The following PFKFB1 variants were observed in gnomAD, a reference collection of about 807,000 sequenced individuals.
The protein encoded by PFKFB1 is 6-phosphofructo-2-kinase/fructose-2,6-biphosphatase 1.
Under a neutral mutation model 46.4 loss-of-function variants are expected in PFKFB1, and 34 were observed. The observed-to-expected ratio is 0.73, with a 90% CI of 0.56 to 0.98. The LOEUF (loss-of-function observed/expected upper bound fraction) is 0.98. Ranked by LOEUF, PFKFB1 falls within the 50% of genes least tolerant of loss-of-function variation. The probability of loss-of-function intolerance (pLI) is 0.00; values close to 1 mark genes in which losing one functional copy is unlikely to be tolerated. For missense variants in PFKFB1, 393 were observed against 376.3 expected (o/e 1.04, Z -0.37); for synonymous variants, 119 against 133.8 (o/e 0.89, Z 0.76).
At chrX:54,976,610 G>A (rs1399791011) in intron 1 of PFKFB1, among the ~76,000 whole-genome samples, 1 of 111,435 alleles carries the variant, frequency 9.0e-6, no homozygotes, top group African/African-American at 3.3e-5. Flanking sequence ...ACATACACTT[G>A]ACATATGACC....
intron 7 of PFKFB1, among the ~76,000 whole-genome samples, chrX:54,954,456 T>G (rs1044299149): frequency 8.9e-6 from 1 of 112,212 alleles, no homozygotes; most frequent in African/African-American, 3.2e-5. Flanking sequence ...GAGGTTGCAG[T>G]GAGCTGAGAT....
intron 10 of PFKFB1, among the ~76,000 whole-genome samples, chrX:54,939,077 G>C (rs1259617510): frequency 8.9e-6 from 1 of 111,779 alleles, no homozygotes; most frequent in East Asian, 2.8e-4. Flanking sequence ...GAAGAACTCA[G>C]GATTAAGAAA....
chrX:54,957,180 T>C (rs1351381095), intron 6 of PFKFB1, among the ~76,000 whole-genome samples: 1 of 111,997 alleles, frequency 8.9e-6, no homozygotes, highest in Non-Finnish European at 1.9e-5. Flanking sequence ...CTACTTATAG[T>C]TCTCTGGAGA....
intron 8 of PFKFB1, among the ~76,000 whole-genome samples, chrX:54,951,574 C>A (rs1287104322): frequency 3.6e-5 from 4 of 112,614 alleles, no homozygotes; most frequent in South Asian, 3.7e-4. Flanking sequence ...GGTGGGGAAG[C>A]TGCACTAGCA....
At chrX:54,973,551 G>C (rs751952644) in intron 1 of PFKFB1, among the ~76,000 whole-genome samples, 1 of 111,074 alleles carries the variant, frequency 9.0e-6, no homozygotes, top group African/African-American at 3.3e-5. Context: ...TCTTGTTCTC[G>C]TTGGTTTCAA....
At chrX:54,950,094 CTCT>C (rs1933925699) in intron 8 of PFKFB1, among the ~76,000 whole-genome samples, 1 of 112,197 alleles carries the variant, frequency 8.9e-6, no homozygotes, top group Admixed American at 9.4e-5. Flanking sequence ...TGATTTCCTC[CTCT>C]GTGTATAGGT....
At chrX:54,957,112 A>T (rs1483869028) in intron 6 of PFKFB1, among the ~76,000 whole-genome samples, 1 of 111,336 alleles carries the variant, frequency 9.0e-6, no homozygotes, top group African/African-American at 3.3e-5. Flanking sequence ...TTATTTCTTC[A>T]TCCTTATCTC....
At chrX:54,963,118 A>G in intron 2 of PFKFB1, 139 bp downstream of exon 2, 1 of 542,691 alleles carries the variant, frequency 1.8e-6, no homozygotes, top group East Asian at 3.4e-5. Context: ...ATGTAGTAAT[A>G]GTGGTAGCAG....
rs1934291813 is a variant in PFKFB1, at chrX:54,960,890, T to A, written c.251A>T (p.Glu84Val). Reference sequence around the variant, plus strand: ...TTCATAGTTCTTGTAGCTCACTGCCTCTCGTCGATACTGGCCTAAATTAAA... The same window carrying A: ...TTCATAGTTCTTGTAGCTCACTGCCACTCGTCGATACTGGCCTAAATTAAA... ...KVFNLGQYRREAVSYKNYEFF... is the reference protein window; with the variant it reads ...KVFNLGQYRRVAVSYKNYEFF... Residue 84 changes from glutamate to valine, a missense_variant, in exon 3 of 14, where the codon GAG becomes GTG. By Grantham distance (121) the Glu-to-Val change is moderately radical. Transcript: ENST00000375006. 2 of 1,190,832 alleles carry A rather than the reference T, an allele frequency of 1.7e-6. No homozygotes were observed. Among genetic ancestry groups the A allele is most frequent in the Non-Finnish European group, 1.1e-6 (1 of 879,601 alleles).
At chrX:54,950,846 C>T (rs1298262187) in intron 8 of PFKFB1, among the ~76,000 whole-genome samples, 1 of 112,585 alleles carries the variant, frequency 8.9e-6, no homozygotes, top group Non-Finnish European at 1.9e-5. Context: ...GGGCACCTCC[C>T]CCCATCTCCA....
chrX:54,948,994 G>A, intron 9 of PFKFB1, 81 bp downstream of exon 9: 1 of 1,078,574 alleles, frequency 9.3e-7, no homozygotes, highest in South Asian at 2.1e-5. Flanking sequence ...TCCCCATAGG[G>A]GCTGGAGCAG....
At chrX:54,971,730 G>C (rs1175142831) in intron 1 of PFKFB1, among the ~76,000 whole-genome samples, 2 of 112,002 alleles carry the variant, frequency 1.8e-5, no homozygotes, top group Admixed American at 9.4e-5. Context: ...ATGCTGTTTT[G>C]GTTACTGTAG....
At position 54,958,878 on chromosome X, in the gene PFKFB1, C is replaced by A. The variant is rs750654338; in HGVS notation, c.432G>T (p.Leu144=). The stretch of plus-strand genomic sequence containing the variant: ...TGTAACCATGTTCTTTTGCAAACTG[C>A]AGGATCAGTGACCGTCGTTCTCTGG... ...NTTRERRSLI[L]QFAKEHGYKV... is the part of the protein sequence containing the mutation. Residue 144 remains leucine (L), a synonymous_variant, in exon 5 of 14, where the codon CTG becomes CTT. Coordinates refer to ENST00000375006, the MANE Select transcript of PFKFB1 (RefSeq NM_002625.4). 33 of 1,196,007 alleles carry A rather than the reference C, an allele frequency of 2.8e-5. No homozygotes were observed. The highest frequency in any genetic ancestry group is 3.4e-6 in the Non-Finnish European group (3 of 883,548).
At chrX:54,934,838 C>G (rs1481734292) in intron 12 of PFKFB1, 109 bp downstream of exon 12, 1 of 561,297 alleles carries the variant, frequency 1.8e-6, no homozygotes, top group African/African-American at 2.2e-5. Flanking sequence ...TCCTGCAGGA[C>G]ACCCACCCAG....
intron 4 of PFKFB1, 54 bp from the exon 5 acceptor site, chrX:54,958,979 C>G: frequency 2.6e-6 from 2 of 763,437 alleles, no homozygotes; most frequent in Non-Finnish European, 4.1e-6. Flanking sequence ...AACAGAACAC[C>G]TACTCTTTGC....
upstream of PFKFB1, chrX:54,994,562 G>C (rs1389412967): frequency 5.3e-6 from 4 of 752,330 alleles, no homozygotes; most frequent in African/African-American, 9.2e-5. Flanking sequence ...GAAATGCAAG[G>C]TTCCCAAGGA....
intron 7 of PFKFB1, among the ~76,000 whole-genome samples, chrX:54,955,011 T>C (rs1934092351): frequency 8.9e-6 from 1 of 111,969 alleles, no homozygotes; most frequent in South Asian, 3.8e-4. Flanking sequence ...CATATGCTGT[T>C]AGCCCATATT....
At chrX:54,944,429 A>G (rs1933742596) in intron 10 of PFKFB1, among the ~76,000 whole-genome samples, 1 of 111,902 alleles carries the variant, frequency 8.9e-6, no homozygotes, top group Admixed American at 9.5e-5. Flanking sequence ...CAAAAGACAT[A>G]TATTTTCAGT....
intron 1 of PFKFB1, among the ~76,000 whole-genome samples, chrX:54,986,608 C>G (rs1935119755): frequency 8.9e-6 from 1 of 111,856 alleles, no homozygotes; most frequent in African/African-American, 3.2e-5. Flanking sequence ...TTCAAGACCA[C>G]TCTTTCAATA....
Sources: gnomAD v4.1 joint callset for allele counts (sites outside exome capture counted in the v4.1 genomes callset) on GRCh38, gnomAD v4.1.1 for gene constraint, MANE v1.5 for transcripts, NCBI Gene and HGNC (gene_info 2026-07-23, HGNC 2026-07-21) for gene names.